The following PLSCR5 variants were observed in gnomAD, a reference collection of about 807,000 sequenced individuals.
PLSCR5 encodes phospholipid scramblase family, member 5.
A neutral mutation model predicts 33.6 loss-of-function variants in PLSCR5; 44 were observed. The observed-to-expected ratio is 1.31, with a 90% CI of 1.03 to 1.69. PLSCR5 has a LOEUF of 1.69. Ranked by LOEUF, PLSCR5 falls within the 40% of genes most tolerant of loss-of-function variation. PLSCR5 has a pLI of 0.00. For synonymous variants in PLSCR5, 148 were observed against 112.3 expected, an observed-to-expected ratio of 1.32 and a Z score of -2.01; for missense variants, 375 against 318.7, an observed-to-expected ratio of 1.18 and a Z score of -1.34.
At position 146,580,100 on chromosome 3, in the gene PLSCR5, C is replaced by CT. The variant is rs940239941; in HGVS notation, c.*45-3376dup. Among the ~76,000 whole-genome samples the CT allele has an allele frequency of 1.8e-4, 28 of 152,248 alleles. 1 individual carries two copies. Among genetic ancestry groups the CT allele is most frequent in the African/African-American group, 6.3e-4 (26 of 41,546 alleles). ...CACCTTAAATGGTATTGAATGCTTC[C>CT]TTTTTTTGTGCCTTTGTGGTACATT... On this transcript the variant is annotated intron_variant, in intron 7 of 7. Transcript: ENST00000482567.
chr3:146,589,680 T>A lies in PLSCR5; in HGVS notation c.750A>T (p.Ala250=), dbSNP rs1345848798. Residue 250 remains alanine (A), a synonymous_variant, in exon 6 of 8, where the codon GCA becomes GCT. Coordinates refer to ENST00000443512, the MANE Select transcript of PLSCR5 (RefSeq NM_001085420.2). ...AGAGAAAACAGGCACCGATCATTGC[T>A]GCTTTGACTGTTACATCTAGATCTG... ...VPADLDVTVK[A]AMIGACFLFD... is the part of the protein sequence containing the mutation. 6.3e-7 allele frequency: 1 copy of A among 1,599,102 alleles called. No individual in the cohort carries two copies. The highest frequency in any genetic ancestry group is 8.5e-7 in the Non-Finnish European group (1 of 1,170,056).
chr3:146,603,655 C>G (rs1390112230), intron 1 of PLSCR5, among the ~76,000 whole-genome samples: 1 of 152,054 alleles, frequency 6.6e-6, no homozygotes, highest in African/African-American at 2.4e-5. Flanking sequence ...TTCGTACTGG[C>G]TTTGAATTTC....
intron 6 of PLSCR5, among the ~76,000 whole-genome samples, chr3:146,586,339 G>T (rs931572463): frequency 3.3e-5 from 5 of 152,252 alleles, no homozygotes; most frequent in Admixed American, 2.6e-4. Flanking sequence ...ATCTGAATCT[G>T]CATGGTATTG....
Position 146,586,082 on chromosome 3 carries a change from C to T in PLSCR5, c.808G>A (p.Gly270Arg). 1 of 1,481,558 alleles carries T rather than the reference C, an allele frequency of 6.7e-7. No individual in the cohort carries two copies. The highest frequency in any genetic ancestry group is 9.0e-7 in the Non-Finnish European group (1 of 1,113,672). 91.8% of individuals were successfully genotyped at this position (1,481,558 alleles called of 1,614,324 possible). A position where few individuals can be genotyped will look rare whatever the true frequency, so the allele number is the denominator to read the frequency against. Residue 270 changes from glycine to arginine, a missense_variant, in exon 7 of 8, where the codon GGA (glycine) becomes AGA (arginine). Physicochemically the swap from Gly to Arg is moderately radical, Grantham distance 125 (BLOSUM62 -2). Transcript: ENST00000443512. The stretch of plus-strand genomic sequence containing the variant: ...TTTCATTATCTTGGTTATTATAATC[C>T]AGCCAGTGAATGTTCAAAGAACATA... ...DFMFFEHSLA[G>R]L is the part of the protein sequence containing the mutation.
intron 5 of PLSCR5, 77 bp downstream of exon 5, chr3:146,591,643 A>G (rs2044715230): frequency 2.2e-6 from 3 of 1,393,036 alleles, no homozygotes; most frequent in Non-Finnish European, 2.9e-6. Context: ...AATTAATTTG[A>G]ACATAAAAAA....
At position 146,589,868 on chromosome 3, in the gene PLSCR5, A is replaced by G. The variant is rs141273359; in HGVS notation, c.616-54T>C. The G allele has an allele frequency of 4.8e-4, 608 of 1,261,942 alleles. 4 individuals carry two copies. The East Asian group carries it at 0.014, about 29-fold the overall frequency. 78.2% of individuals were successfully genotyped at this position (1,261,942 alleles called of 1,614,324 possible). A position where few individuals can be genotyped will look rare whatever the true frequency, so the allele number is the denominator to read the frequency against. ...TTTGACAGTGAAAAAAGTTGGTTTT[A>G]TACTTCTGAGGGTGTTTACTTCATG... On this transcript the variant is annotated intron_variant, in intron 5 of 7. Transcript: ENST00000443512.
chr3:146,593,461 T>G, intron 4 of PLSCR5, among the ~76,000 whole-genome samples: 1 of 152,194 alleles, frequency 6.6e-6, no homozygotes, highest in East Asian at 1.9e-4. Flanking sequence ...TTGCCAAACC[T>G]TGGGCTTTGT....
intron 3 of PLSCR5, 25 bp from the exon 4 acceptor site, chr3:146,594,165 A>G (rs1413078050): frequency 1.9e-6 from 3 of 1,542,222 alleles, no homozygotes. Context: ...AAAAAATTAT[A>G]AAAACATTTT....
chr3:146,587,918 G>A (rs1419318238), intron 6 of PLSCR5, among the ~76,000 whole-genome samples: 2 of 151,638 alleles, frequency 1.3e-5, no homozygotes, highest in African/African-American at 4.8e-5. Flanking sequence ...ATTAAATTCT[G>A]AGTTTCAGTG....
intron 4 of PLSCR5, among the ~76,000 whole-genome samples, chr3:146,593,221 C>T (rs1433185117): frequency 1.3e-5 from 2 of 151,948 alleles, no homozygotes; most frequent in African/African-American, 4.8e-5. Context: ...CCTTGACTGC[C>T]AAATGTAGAG....
rs369881929 is a variant in PLSCR5, at chr3:146,580,687, T to A, written c.*45-3962A>T. Among the ~76,000 whole-genome samples the A allele has an allele frequency of 3.9e-5, 6 of 152,238 alleles. No homozygotes were observed. The East Asian group carries it at 9.7e-4, about 25-fold the overall frequency. ...CCGTGTTGCCCGGCTGTTCGAGAAC[T>A]CCTGAGCTCAGGCAAGCCGCCCGCC... On this transcript the variant is annotated intron_variant, in intron 7 of 7. Coordinates refer to the PLSCR5 transcript ENST00000482567.
At chr3:146,587,881 CAT>C (rs576109756) in intron 6 of PLSCR5, among the ~76,000 whole-genome samples, 2 of 150,034 alleles carry the variant, frequency 1.3e-5, no homozygotes, top group African/African-American at 2.5e-5. Flanking sequence ...TGTATATATG[CAT>C]ATATATATAC....
intron 6 of PLSCR5, among the ~76,000 whole-genome samples, chr3:146,588,682 A>G (rs1171657914): frequency 6.6e-6 from 1 of 152,166 alleles, no homozygotes; most frequent in Non-Finnish European, 1.5e-5. Flanking sequence ...GGACATCATT[A>G]TGCAAATCAG....
At chr3:146,599,686 T>C (rs1462945941) in intron 2 of PLSCR5, among the ~76,000 whole-genome samples, 1 of 151,370 alleles carries the variant, frequency 6.6e-6, no homozygotes, top group African/African-American at 2.4e-5. Context: ...TTTCTTTTTT[T>C]TTTTTTTTCC....
At chr3:146,597,649 G>T (rs964119377) in intron 2 of PLSCR5, among the ~76,000 whole-genome samples, 1 of 152,110 alleles carries the variant, frequency 6.6e-6, no homozygotes, top group African/African-American at 2.4e-5. Context: ...ACAAACTATG[G>T]CCCAAAGGGG....
At chr3:146,582,910 C>A (rs548700792), downstream of PLSCR5, among the ~76,000 whole-genome samples, 1 of 152,038 alleles carries the variant, frequency 6.6e-6, no homozygotes, top group Non-Finnish European at 1.5e-5. Flanking sequence ...TTCAAATAAC[C>A]GAATGGTCCT....
intron 1 of PLSCR5, among the ~76,000 whole-genome samples, 189 bp downstream of exon 1, chr3:146,605,011 T>G (rs2044852417): frequency 6.6e-6 from 1 of 152,144 alleles, no homozygotes; most frequent in African/African-American, 2.4e-5. Flanking sequence ...TTTTACAGTC[T>G]GTCAGATAAA....
intron 5 of PLSCR5, among the ~76,000 whole-genome samples, chr3:146,590,983 T>A (rs2044708276): frequency 7.2e-6 from 1 of 139,660 alleles, no homozygotes; most frequent in African/African-American, 2.6e-5. Context: ...AATACGAGAA[T>A]AAGGTTTTTT....
chr3:146,590,725 G>A (rs1331041729), intron 5 of PLSCR5, among the ~76,000 whole-genome samples: 1 of 152,072 alleles, frequency 6.6e-6, no homozygotes, highest in Non-Finnish European at 1.5e-5. Context: ...TGGGGATAGG[G>A]TGAAGTTGGA....
Sources: gnomAD v4.1 joint callset for allele counts (sites outside exome capture counted in the v4.1 genomes callset) on GRCh38, gnomAD v4.1.1 for gene constraint, MANE v1.5 for transcripts, NCBI Gene and HGNC (gene_info 2026-07-23, HGNC 2026-07-21) for gene names.